INPP5A: variants seen among roughly 807,000 people sequenced by gnomAD.
INPP5A encodes 43 kDa inositol polyphosphate 5-phophatase.
A neutral mutation model predicts 65.2 loss-of-function variants in INPP5A; 14 were observed. The observed-to-expected ratio is 0.21, with a 90% CI of 0.14 to 0.34. The LOEUF (loss-of-function observed/expected upper bound fraction) is 0.34. Ranked by LOEUF, INPP5A falls within the 10% of genes least tolerant of loss-of-function variation. The pLI is 1.00. For missense variants in INPP5A, 431 were observed against 545.6 expected, an observed-to-expected ratio of 0.79 and a Z score of 2.09; for synonymous variants, 207 against 208.3, an observed-to-expected ratio of 0.99 and a Z score of 0.05.
At chr10:132,717,001 G>GC (rs1564979858) in intron 8 of INPP5A, among the ~76,000 whole-genome samples, 1 of 152,174 alleles carries the variant, frequency 6.6e-6, no homozygotes, top group East Asian at 1.9e-4. Flanking sequence ...GGCCCAGGAT[G>GC]CCCCCAGCCC....
chr10:132,703,189 G>T (rs1318523826), intron 6 of INPP5A, among the ~76,000 whole-genome samples: 2 of 152,152 alleles, frequency 1.3e-5, no homozygotes, highest in Admixed American at 6.5e-5. Flanking sequence ...CTTGGTGATT[G>T]CATCAGCGAG....
At chr10:132,574,494 G>A (rs2071391212) in intron 1 of INPP5A, among the ~76,000 whole-genome samples, 1 of 151,888 alleles carries the variant, frequency 6.6e-6, no homozygotes, top group South Asian at 2.1e-4. Context: ...TTGTTGAGAT[G>A]TTGGGGTGTA....
rs780283335 is a variant in INPP5A, at chr10:132,774,133, A to ATCGTTTAGT, written c.978-3535_978-3527dup. The stretch of plus-strand genomic sequence containing the variant: ...TAGCTTCAGCATTGCCACAGCTGTA[A>ATCGTTTAGT]TCGTTTAGTTCTTTCTCTTTGGTTT... On this transcript the variant is annotated intron_variant, in intron 12 of 15. Transcript: ENST00000368594. 1.0e-3 allele frequency among the ~76,000 whole-genome samples: 154 copies of ATCGTTTAGT among 152,194 alleles called. 1 individual carries two copies. Among genetic ancestry groups the ATCGTTTAGT allele is most frequent in the Non-Finnish European group, 1.8e-3 (122 of 67,986 alleles).
chr10:132,635,639 CCCT>C (rs953126130), intron 2 of INPP5A, among the ~76,000 whole-genome samples: 3 of 151,668 alleles, frequency 2.0e-5, no homozygotes, highest in African/African-American at 7.3e-5. Flanking sequence ...TCGTGACCCG[CCCT>C]CCTCAGCCTC....
intron 4 of INPP5A, among the ~76,000 whole-genome samples, chr10:132,671,156 A>G (rs2072884847): frequency 6.6e-6 from 1 of 152,020 alleles, no homozygotes; most frequent in Non-Finnish European, 1.5e-5. Context: ...GCACGCCTCC[A>G]TCTGTCAGGA....
intron 1 of INPP5A, among the ~76,000 whole-genome samples, chr10:132,581,292 G>A (rs761586458): frequency 6.6e-6 from 1 of 152,104 alleles, no homozygotes; most frequent in Non-Finnish European, 1.5e-5. Context: ...TTTCCTGTCC[G>A]GCCTCAGGAA....
At chr10:132,737,258 G>T (rs779309886) in intron 9 of INPP5A, among the ~76,000 whole-genome samples, 1 of 152,136 alleles carries the variant, frequency 6.6e-6, no homozygotes, top group Non-Finnish European at 1.5e-5. Flanking sequence ...TGGCAGGGAC[G>T]GTCCCTTCTA....
chr10:132,587,641 T>C lies in INPP5A; in HGVS notation c.76-20274T>C, dbSNP rs754676374. ...CTCAGAAGCTAGCCAGAGGATTCCG[T>C]TCAGAAACGGGGCCTGTAGATAATT... On this transcript the variant is annotated intron_variant, in intron 1 of 15. Coordinates refer to ENST00000368594, the MANE Select transcript of INPP5A (RefSeq NM_005539.5). The surrounding 1 kb of genome is among the most constrained non-coding windows in gnomAD (Gnocchi z 4.3). Among the ~76,000 whole-genome samples, 5 of 152,226 alleles carry C rather than the reference T, an allele frequency of 3.3e-5. No individual in the cohort carries two copies. The highest frequency in any genetic ancestry group is 7.3e-5 in the Non-Finnish European group (5 of 68,036).
At chr10:132,759,354 C>T (rs1464124739) in intron 11 of INPP5A, among the ~76,000 whole-genome samples, 4 of 146,528 alleles carry the variant, frequency 2.7e-5, no homozygotes, top group East Asian at 3.9e-4. Context: ...GATCTTATCC[C>T]CTGAGGCGCC....
chr10:132,714,074 C>T (rs1845697040), intron 8 of INPP5A, among the ~76,000 whole-genome samples: 1 of 152,200 alleles, frequency 6.6e-6, no homozygotes, highest in Non-Finnish European at 1.5e-5. Flanking sequence ...AGGGCCCTGC[C>T]GTGTCTGCTG....
rs1846010861 is a variant in INPP5A, at chr10:132,727,749, G to A, written c.732+844G>A. On this transcript the variant is annotated intron_variant, in intron 9 of 15. Coordinates refer to ENST00000368594, the MANE Select transcript of INPP5A (RefSeq NM_005539.5). This position sits in a 1 kb window ranked among gnomAD's most constrained non-coding sequence, Gnocchi z 6.5. ...GGGCATGAGCTGACAGCCCACAGCG[G>A]GGCCACAGTAAGTTGGATGGGGCCA... Among the ~76,000 whole-genome samples the A allele has an allele frequency of 6.6e-6, 1 of 152,158 alleles. No individual in the cohort carries two copies.
At position 132,697,709 on chromosome 10, in the gene INPP5A, C is replaced by T; in HGVS notation, c.371-107C>T. 1.3e-6 allele frequency: 1 copy of T among 776,028 alleles called. No homozygotes were observed. The highest frequency in any genetic ancestry group is 2.2e-6 in the Non-Finnish European group (1 of 454,804). The allele number at this position is 776,028 out of a possible 1,614,324, so 48.1% of individuals were successfully genotyped here. ...ATCAGGGCCTCCTCTCGGGGGGCCT[C>T]TCTGGCTCCCATCGGGCTGAAGTCG... On this transcript the variant is annotated intron_variant, in intron 5 of 15. Transcript: ENST00000368594. This position sits in a 1 kb window ranked among gnomAD's most constrained non-coding sequence, Gnocchi z 5.6.
At chr10:132,718,062 G>A (rs755782421) in intron 8 of INPP5A, among the ~76,000 whole-genome samples, 1 of 149,962 alleles carries the variant, frequency 6.7e-6, no homozygotes, top group Non-Finnish European at 1.5e-5. Context: ...CGGGTTCTGT[G>A]GTGCGTGGGT....
intron 11 of INPP5A, among the ~76,000 whole-genome samples, chr10:132,758,106 C>G (rs1348959278): frequency 1.5e-5 from 2 of 132,712 alleles, no homozygotes; most frequent in African/African-American, 2.9e-5. Flanking sequence ...GGCACCATGG[C>G]GTGGGTCCCC....
At chr10:132,655,057 G>A (rs1458898809) in intron 4 of INPP5A, among the ~76,000 whole-genome samples, 1 of 152,264 alleles carries the variant, frequency 6.6e-6, no homozygotes. Flanking sequence ...CACCGACTCC[G>A]CCAGGCGAGG....
At chr10:132,655,756 C>G (rs908919590) in intron 4 of INPP5A, among the ~76,000 whole-genome samples, 3 of 152,244 alleles carry the variant, frequency 2.0e-5, no homozygotes, top group Non-Finnish European at 4.4e-5. Flanking sequence ...ACTGTAGGGA[C>G]TTGAGGCTTG....
rs56998731 is a variant in INPP5A at position 132,720,790 on chromosome 10, C to G, written c.648-6031C>G. 5.9e-3 allele frequency among the ~76,000 whole-genome samples: 889 copies of G among 149,506 alleles called. 5 individuals carry two copies. Among genetic ancestry groups the G allele is most frequent in the African/African-American group, 0.021 (838 of 40,030 alleles). ...GGGTTCTGTGGTACCTGGGTTCTGT[C>G]TGGGCGCCTTAGATGGCTGTCTTGC... On this transcript the variant is annotated intron_variant, in intron 8 of 15. Coordinates refer to ENST00000368594, the MANE Select transcript of INPP5A (RefSeq NM_005539.5).
rs112935235 is a variant in INPP5A, at chr10:132,704,288, G to A, written c.475-4025G>A. Among the ~76,000 whole-genome samples the A allele has an allele frequency of 1.3e-5, 2 of 152,198 alleles. No homozygotes were observed. The highest frequency in any genetic ancestry group is 1.5e-5 in the Non-Finnish European group (1 of 68,038). ...AGTAGAGGGGCCTCACCCAGTTACT[G>A]TAGATTTGTCACCAGTCACACGTCC... On this transcript the variant is annotated intron_variant, in intron 6 of 15. Coordinates refer to ENST00000368594, the MANE Select transcript of INPP5A (RefSeq NM_005539.5). The surrounding 1 kb of genome is among the most constrained non-coding windows in gnomAD (Gnocchi z 4.5).
At chr10:132,733,319 C>T (rs759736297) in intron 9 of INPP5A, among the ~76,000 whole-genome samples, 9 of 152,206 alleles carry the variant, frequency 5.9e-5, no homozygotes, top group Non-Finnish European at 1.3e-4. Context: ...CAGGCAGCGC[C>T]GGAGTGACTG....
Sources: allele counts gnomAD v4.1 joint callset (sites outside exome capture counted in the v4.1 genomes callset), GRCh38; gene constraint gnomAD v4.1.1; non-coding constraint Gnocchi (gnomAD v3.1); transcripts MANE v1.5; gene names NCBI Gene and HGNC (gene_info 2026-07-23, HGNC 2026-07-21).